PLEK: variants seen among roughly 807,000 people sequenced by gnomAD.
PLEK encodes platelet 47 kDa protein.
A neutral mutation model predicts 43.9 loss-of-function variants in PLEK; 25 were observed. The ratio of observed to expected loss-of-function variants is 0.57; its 90% CI spans 0.41 to 0.79. The LOEUF is 0.79. Ranked by LOEUF, PLEK falls within the 30% of genes least tolerant of loss-of-function variation. The probability of loss-of-function intolerance (pLI) is 0.00; values close to 1 mark genes in which losing one functional copy is unlikely to be tolerated. For synonymous variants in PLEK, 152 were observed against 144.4 expected (o/e 1.05, Z -0.38); for missense variants, 396 against 413.3 (o/e 0.96, Z 0.36).
intron 3 of PLEK, among the ~76,000 whole-genome samples, chr2:68,381,133 CAG>C (rs10538878): frequency 0.71 from 106,963 of 149,902 alleles, 38,060 homozygotes; most frequent in East Asian, 0.92. Context: ...TACTGGGTAC[CAG>C]AGAGAGAGAG....
At chr2:68,385,471 C>T (rs1375410692) in intron 4 of PLEK, among the ~76,000 whole-genome samples, 54 of 152,192 alleles carry the variant, frequency 3.5e-4, no homozygotes, top group Admixed American at 3.5e-3. Flanking sequence ...ATATCCATCA[C>T]ATTATTTCCT....
At position 68,377,736 on chromosome 2, in the gene PLEK, G is replaced by A. The variant is rs1162037066; in HGVS notation, c.43-2592G>A. Among the ~76,000 whole-genome samples the A allele has an allele frequency of 2.6e-5, 4 of 152,162 alleles. No homozygotes were observed. The South Asian group carries it at 6.2e-4, about 24-fold the overall frequency. On this transcript the variant is annotated intron_variant, in intron 1 of 8. Coordinates refer to ENST00000234313, the MANE Select transcript of PLEK (RefSeq NM_002664.3). ...ATTCTGTGGGTTGTCTCTTCACTTC[G>A]TTGCCTGTTTCCTTTGCTGTGCAAA... is the stretch of plus-strand genomic sequence containing the variant.
At chr2:68,371,279 C>T (rs565855826) in intron 1 of PLEK, among the ~76,000 whole-genome samples, 29 of 152,298 alleles carry the variant, frequency 1.9e-4, no homozygotes, top group African/African-American at 5.1e-4. Flanking sequence ...AAACCTCCAC[C>T]GGCTGGGACC....
At chr2:68,391,904 A>G (rs1047273800) in intron 6 of PLEK, among the ~76,000 whole-genome samples, 1 of 152,182 alleles carries the variant, frequency 6.6e-6, no homozygotes, top group Non-Finnish European at 1.5e-5. Context: ...TTACCATGAC[A>G]GTTTAAAATC....
At position 68,395,989 on chromosome 2, in the gene PLEK, T is replaced by C. The variant is rs1014003663; in HGVS notation, c.*173T>C. On this transcript the variant is annotated 3_prime_UTR_variant, in exon 9 of 9. Coordinates refer to ENST00000234313, the MANE Select transcript of PLEK (RefSeq NM_002664.3). ...TGTGGTGTGCAAGGTTCCCCTGCAT[T>C]GTATTGCTCACTGCAGCCCCTCTGC... The C allele has an allele frequency of 6.6e-5, 41 of 624,168 alleles. No individual in the cohort carries two copies. Among genetic ancestry groups the C allele is most frequent in the Non-Finnish European group, 1.1e-4 (37 of 345,046 alleles). The allele number at this position is 624,168 out of a possible 1,614,324, so 38.7% of individuals were successfully genotyped here. A position where few individuals can be genotyped will look rare whatever the true frequency, so the allele number is the denominator to read the frequency against.
intron 4 of PLEK, among the ~76,000 whole-genome samples, chr2:68,386,216 T>C (rs940950918): frequency 1.3e-5 from 2 of 152,110 alleles, no homozygotes; most frequent in African/African-American, 4.8e-5. Context: ...TCCTACTGCC[T>C]CAGCTTCCAG....
In PLEK at chr2:68,386,504, A is replaced by G; in HGVS notation, c.475A>G (p.Asn159Asp). The G allele has an allele frequency of 6.2e-7, 1 of 1,613,108 alleles. No individual in the cohort carries two copies. The highest frequency in any genetic ancestry group is 1.7e-4 in the Middle Eastern group (1 of 5,924). ...KKIFNHCFTG[N>D]CVIDWLVSNQ... ...TTCCCTGTGCTGGTCCCATCTAGGT[A>G]ACTGCGTCATTGATTGGCTGGTATC... The change falls in exon 5 of 9, where the codon AAC becomes GAC. Residue 159 changes from asparagine to aspartate, a missense_variant and splice_region_variant. Coordinates refer to ENST00000234313, the MANE Select transcript of PLEK (RefSeq NM_002664.3).
chr2:68,371,381 A>G (rs1414578640), intron 1 of PLEK, among the ~76,000 whole-genome samples: 2 of 152,182 alleles, frequency 1.3e-5, no homozygotes, highest in Non-Finnish European at 2.9e-5. Flanking sequence ...AGATGATACC[A>G]TCTTGGTGTT....
chr2:68,397,008 C>T lies in PLEK; in HGVS notation c.*1192C>T, dbSNP rs1673974296. The T allele has an allele frequency of 6.6e-6, 1 of 152,142 alleles. No homozygotes were observed. The highest frequency in any genetic ancestry group is 6.5e-5 in the Admixed American group (1 of 15,270). 9.4% of individuals were successfully genotyped at this position (152,142 alleles called of 1,614,324 possible). A position where few individuals can be genotyped will look rare whatever the true frequency, so the allele number is the denominator to read the frequency against. On this transcript the variant is annotated 3_prime_UTR_variant, in exon 9 of 9. Coordinates refer to ENST00000234313, the MANE Select transcript of PLEK (RefSeq NM_002664.3). ...TGCTTGAGTTCTGAGGGCATCATGG[C>T]CCTATGATTAACCAGAGTGATCTAA...
chr2:68,368,793 A>T (rs533459800), intron 1 of PLEK, among the ~76,000 whole-genome samples: 1 of 152,242 alleles, frequency 6.6e-6, no homozygotes, highest in Non-Finnish European at 1.5e-5. Flanking sequence ...CTAGAGGTTT[A>T]TGGAGCAAGC....
chr2:68,373,588 A>T (rs1326173852), intron 1 of PLEK, among the ~76,000 whole-genome samples: 3 of 36,164 alleles, frequency 8.3e-5, no homozygotes, highest in South Asian at 1.2e-3. Flanking sequence ...AAAGAAAATA[A>T]AAAAAAAAAA....
intron 1 of PLEK, among the ~76,000 whole-genome samples, chr2:68,378,387 T>A (rs1414781022): frequency 6.6e-6 from 1 of 152,220 alleles, no homozygotes; most frequent in Admixed American, 6.6e-5. Context: ...GGAGGAGGCC[T>A]GCAAGTCTGA....
chr2:68,392,314 A>G (rs17035431), intron 6 of PLEK, among the ~76,000 whole-genome samples: 25,447 of 151,954 alleles, frequency 0.17, 2,742 homozygotes, highest in African/African-American at 0.31. Context: ...TGCCTGGATT[A>G]TTGTGATCCT....
At chr2:68,382,663 C>T (rs199740901) in intron 4 of PLEK, 30 bp downstream of exon 4, 155 of 1,278,222 alleles carry the variant, frequency 1.2e-4, no homozygotes, top group Middle Eastern at 1.9e-4. Flanking sequence ...TGAAATAGGG[C>T]GACTGGGAAG....
intron 6 of PLEK, 50 bp downstream of exon 6, chr2:68,388,541 T>C (rs1274218866): frequency 1.0e-6 from 1 of 969,862 alleles, no homozygotes; most frequent in Admixed American, 1.8e-5. Context: ...TACAAGGTCC[T>C]TTTTGTTTCT....
intron 1 of PLEK, among the ~76,000 whole-genome samples, chr2:68,373,002 TTATCAA>T (rs1673439321): frequency 6.6e-6 from 1 of 152,120 alleles, no homozygotes; most frequent in Non-Finnish European, 1.5e-5. Context: ...CCACTTTTTT[TTATCAA>T]TATGGTGACA....
Position 68,380,432 on chromosome 2 carries a change from G to T in PLEK, c.147G>T (p.Pro49=), listed in dbSNP as rs145587732. ...ACAACAGCCCCAAAGGAATGATCCC[G>T]CTGAAAGGGAGCACTCTGACTAGCC... ...KSDNSPKGMI[P]LKGSTLTSPC... is the part of the protein sequence containing the mutation. The change falls in exon 2 of 9, where the codon CCG becomes CCT. Residue 49 remains proline, a synonymous_variant. Transcript: ENST00000234313. The T allele has an allele frequency of 1.5e-5, 24 of 1,613,722 alleles. No homozygotes were observed. Among genetic ancestry groups the T allele is most frequent in the Non-Finnish European group, 2.0e-5 (24 of 1,179,746 alleles).
In PLEK at chr2:68,382,523, C is replaced by T. The variant is rs116369897; in HGVS notation, c.381-19C>T. 3.6e-4 allele frequency: 515 copies of T among 1,413,544 alleles called. 5 individuals carry two copies. In the African/African-American group the frequency reaches 6.5e-3, roughly 18 times the overall value. The allele number at this position is 1,413,544 out of a possible 1,614,324, so 87.6% of individuals were successfully genotyped here. Reference sequence around the variant, plus strand: ...TTTTTTTTGTTTGTTTGTTTGTTTGCTTTTTTATCTCTGTGCAGTGCCTTA... The same window carrying T: ...TTTTTTTTGTTTGTTTGTTTGTTTGTTTTTTTATCTCTGTGCAGTGCCTTA... On this transcript the variant is annotated intron_variant, in intron 3 of 8. Coordinates refer to ENST00000234313, the MANE Select transcript of PLEK (RefSeq NM_002664.3).
At chr2:68,368,191 G>A (rs530195778) in intron 1 of PLEK, among the ~76,000 whole-genome samples, 57 of 152,316 alleles carry the variant, frequency 3.7e-4, no homozygotes, top group African/African-American at 1.3e-3. Context: ...ACAAGATTCT[G>A]TCATTTTCCA....
Sources: gnomAD v4.1 joint callset for allele counts (sites outside exome capture counted in the v4.1 genomes callset) on GRCh38, gnomAD v4.1.1 for gene constraint, MANE v1.5 for transcripts, NCBI Gene and HGNC (gene_info 2026-07-23, HGNC 2026-07-21) for gene names.